Variants in ANO4 observed in about 807,000 individuals in gnomAD.
ANO4 encodes anoctamin-4.
A neutral mutation model predicts 141.9 loss-of-function variants in ANO4; 69 were observed. The ratio of observed to expected loss-of-function variants is 0.49; its 90% CI spans 0.40 to 0.59. ANO4 has a LOEUF of 0.59. ANO4 is among the 20% of genes least tolerant of loss of function. ANO4 has a pLI of 0.00. For missense variants in ANO4, 894 were observed against 1,162.2 expected, an observed-to-expected ratio of 0.77 and a Z score of 3.36; for synonymous variants, 350 against 394.3, an observed-to-expected ratio of 0.89 and a Z score of 1.33.
At chr12:100,866,464 GC>G (rs2038759372) in intron 1 of ANO4, among the ~76,000 whole-genome samples, 1 of 152,122 alleles carries the variant, frequency 6.6e-6, no homozygotes, top group African/African-American at 2.4e-5. Flanking sequence ...TGCCACCCCT[GC>G]CCCCACCTTT....
At chr12:101,080,865 GAT>G (rs373785625) in intron 15 of ANO4, among the ~76,000 whole-genome samples, 4,769 of 109,342 alleles carry the variant, frequency 0.044, 391 homozygotes, top group African/African-American at 0.15. Flanking sequence ...CTAGGTTCTA[GAT>G]ATATATATAT....
intron 8 of ANO4, among the ~76,000 whole-genome samples, chr12:100,999,099 C>G (rs2045523840): frequency 6.6e-6 from 1 of 152,186 alleles, no homozygotes; most frequent in Non-Finnish European, 1.5e-5. Flanking sequence ...TGTTAGTTTT[C>G]TATGGCTGCT....
intron 5 of ANO4, among the ~76,000 whole-genome samples, chr12:100,951,936 C>T (rs1249299306): frequency 6.6e-6 from 1 of 152,180 alleles, no homozygotes; most frequent in African/African-American, 2.4e-5. Context: ...GCCAGTAGCA[C>T]CTCCTTCAAG....
chr12:100,804,447 A>G (rs2135675444), intron 1 of ANO4, among the ~76,000 whole-genome samples: 1 of 152,248 alleles, frequency 6.6e-6, no homozygotes, highest in African/African-American at 2.4e-5. Flanking sequence ...AATGATTTAT[A>G]TTTCTTTGGG....
At chr12:101,012,710 C>T (rs1419838850) in intron 8 of ANO4, among the ~76,000 whole-genome samples, 3 of 152,028 alleles carry the variant, frequency 2.0e-5, no homozygotes, top group African/African-American at 7.2e-5. Context: ...TTTAAAAAAT[C>T]ATTGTGGTTG....
rs763949654 is a variant in ANO4 at position 100,806,524 on chromosome 12, G to GTTTTTTTT, written c.-141+11526_-141+11533dup. ...TTTTAGGAGGTTTTTTTTTTGTTTCGTTTTTTTTTTTTTTTTTTTTTTTTT... is the reference window on the plus strand; with the variant it reads ...TTTTAGGAGGTTTTTTTTTTGTTTCGTTTTTTTTTTTTTTTTTTTTTTTTTTTTTTTTT... On this transcript the variant is annotated intron_variant, in intron 1 of 27. Transcript: ENST00000392977. 9.2e-4 allele frequency among the ~76,000 whole-genome samples: 55 copies of GTTTTTTTT among 59,874 alleles called. 14 individuals carry two copies. The highest frequency in any genetic ancestry group is 3.5e-3 in the East Asian group (5 of 1,448). 39.3% of individuals were successfully genotyped at this position (59,874 alleles called of 152,430 possible).
chr12:100,832,465 A>G (rs920850977), intron 1 of ANO4, among the ~76,000 whole-genome samples: 1 of 151,990 alleles, frequency 6.6e-6, no homozygotes, highest in Admixed American at 6.6e-5. Context: ...TCCTTAAATA[A>G]CCCAACACCC....
chr12:100,752,013 C>G (rs1334870730), intron 3 of ANO4, among the ~76,000 whole-genome samples: 1 of 152,186 alleles, frequency 6.6e-6, no homozygotes, highest in Admixed American at 6.5e-5. Flanking sequence ...ACACTAAAGA[C>G]TTAACTTCTT....
At chr12:100,858,097 T>A (rs897829632) in intron 1 of ANO4, among the ~76,000 whole-genome samples, 19 of 151,796 alleles carry the variant, frequency 1.3e-4, no homozygotes, top group African/African-American at 4.6e-4. Flanking sequence ...AAAGCCTGTA[T>A]AAATAATACA....
chr12:100,924,470 A>G (rs1376267248), intron 3 of ANO4, among the ~76,000 whole-genome samples: 1 of 152,132 alleles, frequency 6.6e-6, no homozygotes, highest in Non-Finnish European at 1.5e-5. Flanking sequence ...GGATTTAAAC[A>G]CATTGAGGTG....
chr12:100,767,331 T>C (rs1321894108), intron 3 of ANO4, among the ~76,000 whole-genome samples: 2 of 152,218 alleles, frequency 1.3e-5, no homozygotes, highest in Non-Finnish European at 2.9e-5. Flanking sequence ...GATTTTTTAG[T>C]GGTATACTTT....
chr12:101,117,865 G>C (rs1358802369), intron 25 of ANO4, among the ~76,000 whole-genome samples: 1 of 152,144 alleles, frequency 6.6e-6, no homozygotes, highest in African/African-American at 2.4e-5. Context: ...AGGTGAAGGT[G>C]AGAGAAGCCA....
At chr12:100,884,570 G>A (rs1336866000) in intron 1 of ANO4, among the ~76,000 whole-genome samples, 1 of 152,154 alleles carries the variant, frequency 6.6e-6, no homozygotes, top group East Asian at 1.9e-4. Flanking sequence ...GCCTTAAAAT[G>A]TCACCAATTT....
At chr12:100,870,103 G>A (rs2038957684) in intron 1 of ANO4, among the ~76,000 whole-genome samples, 1 of 152,194 alleles carries the variant, frequency 6.6e-6, no homozygotes, top group South Asian at 2.1e-4. Flanking sequence ...AAGGGTTATA[G>A]AGGCCTAACC....
chr12:100,763,908 C>CTT (rs201938425), intron 3 of ANO4, among the ~76,000 whole-genome samples: 3 of 147,768 alleles, frequency 2.0e-5, no homozygotes, highest in African/African-American at 2.5e-5. Context: ...CTAGGAACCA[C>CTT]TTTTTTTTTT....
At chr12:100,750,238 A>G (rs1295324421) in intron 3 of ANO4, among the ~76,000 whole-genome samples, 1 of 150,590 alleles carries the variant, frequency 6.6e-6, no homozygotes, top group Non-Finnish European at 1.5e-5. Flanking sequence ...GGATTCAAGC[A>G]CTTGTGCCTC....
chr12:100,899,616 G>T (rs1565986028), intron 1 of ANO4, among the ~76,000 whole-genome samples: 1 of 152,140 alleles, frequency 6.6e-6, no homozygotes, highest in Non-Finnish European at 1.5e-5. Context: ...CCTTCCTTAA[G>T]ATTTGCTAGA....
intron 9 of ANO4, among the ~76,000 whole-genome samples, chr12:101,029,614 A>G (rs2046885814): frequency 6.6e-6 from 1 of 152,124 alleles, no homozygotes; most frequent in African/African-American, 2.4e-5. Flanking sequence ...CAATTCAACA[A>G]GAAGAACTAA....
intron 5 of ANO4, among the ~76,000 whole-genome samples, chr12:100,953,510 A>G (rs2043056228): frequency 6.6e-6 from 1 of 152,230 alleles, no homozygotes; most frequent in Non-Finnish European, 1.5e-5. Flanking sequence ...GGCATATTTT[A>G]AGAGCAGTCT....
Sources: gnomAD v4.1 joint callset for allele counts (sites outside exome capture counted in the v4.1 genomes callset) on GRCh38, gnomAD v4.1.1 for gene constraint, MANE v1.5 for transcripts, NCBI Gene and HGNC (gene_info 2026-07-23, HGNC 2026-07-21) for gene names.